FRS2: variants seen among roughly 807,000 people sequenced by gnomAD.
FRS2 encodes the protein fibroblast growth factor receptor substrate 2.
In FRS2, 8 loss-of-function variants were observed where a neutral mutation model predicts 43.9. The observed-to-expected ratio is 0.18, with a 90% CI of 0.11 to 0.33. FRS2 has a LOEUF of 0.33. Among genes scored for constraint, FRS2 ranks in the 10% least tolerant of loss-of-function variants. The pLI, the probability that FRS2 is intolerant of heterozygous loss-of-function variation, is 1.00. For missense variants in FRS2, 534 were observed against 627.6 expected (o/e 0.85, Z 1.59); for synonymous variants, 219 against 220.3 (o/e 0.99, Z 0.05).
At chr12:69,481,580 C>T (rs1260754778) in intron 1 of FRS2, among the ~76,000 whole-genome samples, 6 of 152,148 alleles carry the variant, frequency 3.9e-5, no homozygotes, top group African/African-American at 1.4e-4. Flanking sequence ...AGCCACCAAA[C>T]CTGGCCCGAG....
chr12:69,565,603 CT>C (rs1346587475), intron 4 of FRS2, among the ~76,000 whole-genome samples: 17 of 151,394 alleles, frequency 1.1e-4, no homozygotes, highest in African/African-American at 3.9e-4. Context: ...TTTTTTTAAC[CT>C]TTAAAACTTC....
At chr12:69,531,879 G>A (rs768979063) in intron 2 of FRS2, 135 bp from the exon 3 acceptor site, 1 of 152,556 alleles carries the variant, frequency 6.6e-6, no homozygotes, top group Non-Finnish European at 1.5e-5. Context: ...GAGACCAACT[G>A]TCTCTCAAGC....
Position 69,539,727 on chromosome 12 carries a change from G to A in FRS2, c.-122+7671G>A, listed in dbSNP as rs138673916. ...AAGATCCACTTTGGGAGGCCAAGGC[G>A]GGCAAATCACGAGGTCAGGAGTTCG... is the stretch of plus-strand genomic sequence containing the variant. On this transcript the variant is annotated intron_variant, in intron 3 of 8. Coordinates refer to ENST00000549921, the MANE Select transcript of FRS2 (RefSeq NM_001278356.2). 5.8e-3 allele frequency among the ~76,000 whole-genome samples: 886 copies of A among 152,138 alleles called. 8 individuals are homozygous for A. The highest frequency in any genetic ancestry group is 0.02 in the African/African-American group (848 of 41,512).
chr12:69,508,994 T>A (rs2135567660), intron 1 of FRS2, among the ~76,000 whole-genome samples: 1 of 152,314 alleles, frequency 6.6e-6, no homozygotes, highest in Non-Finnish European at 1.5e-5. Flanking sequence ...TTATATTTTG[T>A]TTTTCCAGAT....
intron 1 of FRS2, among the ~76,000 whole-genome samples, chr12:69,472,718 G>A (rs1294750244): frequency 6.6e-6 from 1 of 152,094 alleles, no homozygotes; most frequent in African/African-American, 2.4e-5. Flanking sequence ...TGCTATGTTA[G>A]GTAACTATGT....
chr12:69,563,288 A>G (rs1230184556), intron 4 of FRS2, among the ~76,000 whole-genome samples: 1 of 152,180 alleles, frequency 6.6e-6, no homozygotes. Context: ...TATGTGGATG[A>G]AAACTTCACA....
At chr12:69,515,890 C>T (rs1370568797) in intron 1 of FRS2, among the ~76,000 whole-genome samples, 1 of 148,604 alleles carries the variant, frequency 6.7e-6, no homozygotes, top group Non-Finnish European at 1.5e-5. Flanking sequence ...CGCCCCACCC[C>T]CACCCCCACA....
At chr12:69,572,063 T>C in intron 7 of FRS2, 55 bp from the exon 8 acceptor site, 1 of 1,421,334 alleles carries the variant, frequency 7.0e-7, no homozygotes, top group Admixed American at 1.8e-5. Context: ...TCTTACTCAT[T>C]TTTATTCTCT....
At chr12:69,545,518 G>A (rs945999437) in intron 3 of FRS2, among the ~76,000 whole-genome samples, 3 of 152,070 alleles carry the variant, frequency 2.0e-5, no homozygotes, top group Non-Finnish European at 4.4e-5. Context: ...AGCACTTTGG[G>A]AGGCCAAGGT....
Position 69,574,551 on chromosome 12 carries a change from A to C in FRS2, c.1123A>C (p.Lys375Gln), listed in dbSNP as rs1013221115. The C allele has an allele frequency of 2.5e-6, 4 of 1,614,056 alleles. No homozygotes were observed. Among genetic ancestry groups the C allele is most frequent in the African/African-American group, 1.3e-5 (1 of 74,928 alleles). Residue 375 changes from lysine (K) to glutamine (Q), a missense_variant, in exon 9 of 9, where the codon AAG becomes CAG. By Grantham distance (53) the Lys-to-Gln change is moderately conservative. Coordinates refer to ENST00000549921, the MANE Select transcript of FRS2 (RefSeq NM_001278356.2). ...SRDEDDNLGPKTPSLNGYHNN... is the reference protein window; with the variant it reads ...SRDEDDNLGPQTPSLNGYHNN... Reference sequence around the variant, plus strand: ...GGATGAAGATGACAATTTAGGACCAAAGACCCCATCTCTAAATGGCTACCA... The same window carrying C: ...GGATGAAGATGACAATTTAGGACCACAGACCCCATCTCTAAATGGCTACCA...
intron 3 of FRS2, among the ~76,000 whole-genome samples, chr12:69,542,030 A>G (rs756738304): frequency 1.3e-5 from 2 of 152,126 alleles, no homozygotes; most frequent in Non-Finnish European, 2.9e-5. Flanking sequence ...CACTCGAAAG[A>G]TGATTTTATT....
chr12:69,491,241 A>G (rs1872451261), intron 1 of FRS2, among the ~76,000 whole-genome samples: 1 of 151,856 alleles, frequency 6.6e-6, no homozygotes, highest in African/African-American at 2.4e-5. Flanking sequence ...GACCACAGGC[A>G]CAAGCCACCC....
Position 69,574,068 on chromosome 12 carries a change from G to A in FRS2, c.640G>A (p.Val214Ile), listed in dbSNP as rs1337277608. 6.2e-7 allele frequency: 1 copy of A among 1,614,226 alleles called. No individual in the cohort carries two copies. The highest frequency in any genetic ancestry group is 1.7e-5 in the Admixed American group (1 of 60,030). ...EERKNRTSVH[V>I]PLEARVSNAE... ...GCGGAAAAACCGCACAAGTGTGCAT[G>A]TTCCATTGGAGGCGAGGGTTTCTAA... is the stretch of plus-strand genomic sequence containing the variant. Residue 214 changes from valine to isoleucine, a missense_variant, in exon 9 of 9, where the codon GTT becomes ATT. By Grantham distance (29) the Val-to-Ile change is conservative. This residue lies in a region of FRS2 where 446 missense variants were observed against 494.2 expected (regional missense o/e 0.90). Transcript: ENST00000549921.
intron 1 of FRS2, among the ~76,000 whole-genome samples, chr12:69,472,752 A>G (rs569642834): frequency 4.6e-5 from 7 of 152,358 alleles, no homozygotes; most frequent in East Asian, 3.9e-4. Flanking sequence ...AGGTATAGCC[A>G]TAACAGTTGA....
chr12:69,481,806 A>C (rs569248683), intron 1 of FRS2, among the ~76,000 whole-genome samples: 1 of 152,126 alleles, frequency 6.6e-6, no homozygotes, highest in African/African-American at 2.4e-5. Flanking sequence ...TAGTCAGGTT[A>C]TGTTTAGTCA....
In FRS2 at chr12:69,545,766, AAAAAAAAAAAAACAAAAAC is replaced by A. The variant is rs1205106216; in HGVS notation, c.-122+13716_-122+13734del. Among the ~76,000 whole-genome samples, 3 of 150,786 alleles carry A rather than the reference AAAAAAAAAAAAACAAAAAC, an allele frequency of 2.0e-5. No individual in the cohort carries two copies. In the East Asian group the frequency reaches 5.8e-4, roughly 29 times the overall value. ...GTGAGACCCTGTCTCAAAAAAAAAA[AAAAAAAAAAAAACAAAAAC>A]AAAAACCCAGAAATAAACACTTGCA... is the stretch of plus-strand genomic sequence containing the variant. On this transcript the variant is annotated intron_variant, in intron 3 of 8. Coordinates refer to ENST00000549921, the MANE Select transcript of FRS2 (RefSeq NM_001278356.2).
rs1350166022 is a variant in FRS2 at position 69,579,637 on chromosome 12, G to A, written c.*4682G>A. On this transcript the variant is annotated 3_prime_UTR_variant, in exon 9 of 9. Coordinates refer to ENST00000549921, the MANE Select transcript of FRS2 (RefSeq NM_001278356.2). ...TGAGGTACTCAAGTTGATACTGGAA[G>A]CTGAGCTGATCATACACTGACCTGA... is the stretch of plus-strand genomic sequence containing the variant. The A allele has an allele frequency of 6.6e-6, 1 of 152,200 alleles. No homozygotes were observed. The highest frequency in any genetic ancestry group is 2.4e-5 in the African/African-American group (1 of 41,452). 9.4% of individuals were successfully genotyped at this position (152,200 alleles called of 1,614,324 possible).
chr12:69,552,486 G>A (rs1878975215), intron 3 of FRS2, among the ~76,000 whole-genome samples: 1 of 152,040 alleles, frequency 6.6e-6, no homozygotes, highest in Non-Finnish European at 1.5e-5. Context: ...AGAAACAAAG[G>A]CTTCTGATGC....
In FRS2 at chr12:69,487,984, C is replaced by T. The variant is rs188841131; in HGVS notation, c.-261+17454C>T. Among the ~76,000 whole-genome samples, 85 of 152,292 alleles carry T rather than the reference C, an allele frequency of 5.6e-4. 1 individual carries two copies. Among genetic ancestry groups the T allele is most frequent in the Middle Eastern group, 3.4e-3 (1 of 294 alleles). ...GGATGTGACTGAATTGCTGCAATCT[C>T]ATGGTCAAACTTTAACGGATGAGGA... On this transcript the variant is annotated intron_variant, in intron 1 of 8. Transcript: ENST00000549921.
Sources: gnomAD v4.1 joint callset for allele counts (sites outside exome capture counted in the v4.1 genomes callset) on GRCh38, gnomAD v4.1.1 for gene constraint, gnomAD v4.1.1 regional missense constraint, MANE v1.5 for transcripts, NCBI Gene and HGNC (gene_info 2026-07-23, HGNC 2026-07-21) for gene names.